Variants in GRM5 observed in about 807,000 individuals in gnomAD.
GRM5 encodes glutamate metabotropic receptor 5, also known as metabotropic glutamate receptor 5.
A neutral mutation model predicts 83.1 loss-of-function variants in GRM5; 19 were observed. The ratio of observed to expected loss-of-function variants is 0.23; its 90% CI spans 0.16 to 0.34. GRM5 has a LOEUF of 0.34. Ranked by LOEUF, GRM5 falls within the 10% of genes least tolerant of loss-of-function variation. GRM5 has a pLI of 1.00. For missense variants in GRM5, 1,160 were observed against 1,588.3 expected, an observed-to-expected ratio of 0.73 and a Z score of 4.58; for synonymous variants, 675 against 633.6, an observed-to-expected ratio of 1.07 and a Z score of -0.98.
At position 88,681,286 on chromosome 11, in the gene GRM5, T is replaced by C. The variant is rs113419169; in HGVS notation, c.912-27883A>G. ...ACTTGTATTAATGGAGCACATTTTATACTTCCATTCCTTTATTAATTCCTT... is the reference window on the plus strand; with the variant it reads ...ACTTGTATTAATGGAGCACATTTTACACTTCCATTCCTTTATTAATTCCTT... On this transcript the variant is annotated intron_variant, in intron 3 of 9. Transcript: ENST00000305447. Among the ~76,000 whole-genome samples, 154 of 152,284 alleles carry C rather than the reference T, an allele frequency of 1.0e-3. 1 individual carries two copies. The highest frequency in any genetic ancestry group is 2.9e-3 in the African/African-American group (119 of 41,580).
At chr11:89,051,663 T>C (rs1311554437) in intron 1 of GRM5, among the ~76,000 whole-genome samples, 3 of 152,094 alleles carry the variant, frequency 2.0e-5, no homozygotes, top group South Asian at 2.1e-4. Flanking sequence ...TGAACCAAGA[T>C]TGTGCCACTG....
intron 2 of GRM5, among the ~76,000 whole-genome samples, chr11:88,869,651 G>A (rs1731084432): frequency 1.3e-5 from 2 of 151,438 alleles, no homozygotes; most frequent in African/African-American, 4.8e-5. Flanking sequence ...TACCTAAACT[G>A]CTCATCGGGC....
At chr11:89,025,010 C>T (rs7125528) in intron 2 of GRM5, among the ~76,000 whole-genome samples, 10,798 of 151,898 alleles carry the variant, frequency 0.071, 899 homozygotes, top group African/African-American at 0.2. Context: ...CAAATCTATA[C>T]AATGTTAGTT....
chr11:88,907,967 G>GA (rs1310654282), intron 2 of GRM5, among the ~76,000 whole-genome samples: 1 of 152,002 alleles, frequency 6.6e-6, no homozygotes, highest in African/African-American at 2.4e-5. Context: ...ACCATGATTA[G>GA]AAAAAATATT....
At chr11:88,754,799 T>C (rs186545742) in intron 3 of GRM5, among the ~76,000 whole-genome samples, 4 of 152,264 alleles carry the variant, frequency 2.6e-5, no homozygotes, top group South Asian at 4.1e-4. Flanking sequence ...AAACTCAAAC[T>C]ATAACTTGCC....
At chr11:88,875,424 C>A (rs1166012724) in intron 2 of GRM5, among the ~76,000 whole-genome samples, 2 of 151,886 alleles carry the variant, frequency 1.3e-5, no homozygotes, top group African/African-American at 2.4e-5. Context: ...GTAGTTAATT[C>A]TTCTACTTGA....
At chr11:88,744,478 T>C (rs755581503) in intron 3 of GRM5, among the ~76,000 whole-genome samples, 9 of 151,522 alleles carry the variant, frequency 5.9e-5, no homozygotes, top group Non-Finnish European at 1.3e-4. Flanking sequence ...AGCCCAGGAG[T>C]GGGGAATGGA....
chr11:88,824,527 G>A (rs1943860188), intron 3 of GRM5, among the ~76,000 whole-genome samples: 1 of 152,106 alleles, frequency 6.6e-6, no homozygotes, highest in Non-Finnish European at 1.5e-5. Flanking sequence ...CGGGGCAGGG[G>A]GGTGGTTTCA....
intron 3 of GRM5, among the ~76,000 whole-genome samples, chr11:88,781,551 G>T (rs538744943): frequency 6.6e-6 from 1 of 152,208 alleles, no homozygotes; most frequent in Middle Eastern, 3.4e-3. Context: ...CAGGCAGGCT[G>T]ATTGTCCTGG....
intron 6 of GRM5, among the ~76,000 whole-genome samples, chr11:88,591,950 A>AT (rs1400004719): frequency 6.6e-6 from 1 of 152,118 alleles, no homozygotes; most frequent in Admixed American, 6.5e-5. Context: ...TAGCTGGTTT[A>AT]TTTTTTTCAT....
At chr11:88,834,042 A>G in intron 3 of GRM5, among the ~76,000 whole-genome samples, 1 of 152,208 alleles carries the variant, frequency 6.6e-6, no homozygotes, top group East Asian at 1.9e-4. Flanking sequence ...AAACATTCTA[A>G]TGTTTGTTAG....
chr11:88,853,172 C>A (rs1399905606), intron 2 of GRM5, among the ~76,000 whole-genome samples: 3 of 152,100 alleles, frequency 2.0e-5, no homozygotes, highest in African/African-American at 7.2e-5. Context: ...GTAATCATAG[C>A]CCAATGTCTT....
intron 8 of GRM5, among the ~76,000 whole-genome samples, chr11:88,530,926 G>C (rs926446186): frequency 2.0e-5 from 3 of 151,940 alleles, no homozygotes; most frequent in African/African-American, 7.2e-5. Flanking sequence ...TAGAACTGGG[G>C]GGAAGAAAGA....
At chr11:88,991,100 G>T (rs191351332) in intron 2 of GRM5, among the ~76,000 whole-genome samples, 125 of 152,132 alleles carry the variant, frequency 8.2e-4, no homozygotes, top group South Asian at 2.3e-3. Flanking sequence ...ACATGATTGT[G>T]TATCTAGACA....
chr11:89,003,842 G>A (rs1379900931), intron 2 of GRM5, among the ~76,000 whole-genome samples: 1 of 152,154 alleles, frequency 6.6e-6, no homozygotes, highest in Admixed American at 6.5e-5. Context: ...AGTGGCCCAG[G>A]CACAGGTGTA....
At chr11:88,739,364 A>G (rs1941983853) in intron 3 of GRM5, among the ~76,000 whole-genome samples, 1 of 152,102 alleles carries the variant, frequency 6.6e-6, no homozygotes, top group Non-Finnish European at 1.5e-5. Flanking sequence ...AAAGTTTATC[A>G]ATTGCCCCAC....
chr11:89,005,298 A>G (rs1455232477), intron 2 of GRM5, among the ~76,000 whole-genome samples: 2 of 152,264 alleles, frequency 1.3e-5, no homozygotes, highest in African/African-American at 2.4e-5. Flanking sequence ...ATTGTGTAAT[A>G]AAAGCAGGCT....
rs147288464 is a variant in GRM5, at chr11:88,757,732, C to T, written c.911+92174G>A. On this transcript the variant is annotated intron_variant, in intron 3 of 9. Transcript: ENST00000305447. ...CTTGGCACCCACTAGCACCCTGCTGCAGTCAATGAGTGTGAACCCCACCAT... is the reference window on the plus strand; with the variant it reads ...CTTGGCACCCACTAGCACCCTGCTGTAGTCAATGAGTGTGAACCCCACCAT... Among the ~76,000 whole-genome samples, 478 of 152,306 alleles carry T rather than the reference C, an allele frequency of 3.1e-3. 2 individuals carry two copies. The highest frequency in any genetic ancestry group is 5.5e-3 in the Non-Finnish European group (377 of 68,030).
At chr11:88,530,692 T>A (rs1159821128) in intron 8 of GRM5, among the ~76,000 whole-genome samples, 1 of 152,100 alleles carries the variant, frequency 6.6e-6, no homozygotes, top group Non-Finnish European at 1.5e-5. Context: ...ATATTGGCTA[T>A]GTGATTCAGA....
Sources: gnomAD v4.1 joint callset for allele counts (sites outside exome capture counted in the v4.1 genomes callset) on GRCh38, gnomAD v4.1.1 for gene constraint, MANE v1.5 for transcripts, NCBI Gene and HGNC (gene_info 2026-07-23, HGNC 2026-07-21) for gene names.